CDK20: variants seen among roughly 807,000 people sequenced by gnomAD.
CDK20 encodes cyclin-dependent kinase 20.
Under a neutral mutation model 38.6 loss-of-function variants are expected in CDK20, and 40 were observed. That is an observed-to-expected ratio of 1.04 (90% CI 0.81 to 1.35). The LOEUF is 1.35. Among genes scored for constraint, CDK20 ranks in the 40% most tolerant of loss-of-function variants. The probability of loss-of-function intolerance (pLI) is 0.00; values close to 1 mark genes in which losing one functional copy is unlikely to be tolerated. For synonymous variants in CDK20, 209 were observed against 185.7 expected (o/e 1.13, Z -1.02); for missense variants, 512 against 452.6 (o/e 1.13, Z -1.19).
Position 87,967,334 on chromosome 9 carries a change from G to A in CDK20, c.*128C>T. ...GAGACCAACCCTCGCAAGGGCTAAG[G>A]GGCAGGGTGTGGTGTGGGCCCACTG... On this transcript the variant is annotated 3_prime_UTR_variant, in exon 8 of 8. Transcript: ENST00000325303. The A allele has an allele frequency of 2.2e-6, 2 of 914,806 alleles. No homozygotes were observed. The highest frequency in any genetic ancestry group is 3.5e-6 in the Non-Finnish European group (2 of 568,740). The allele number at this position is 914,806 out of a possible 1,614,324, so 56.7% of individuals were successfully genotyped here.
intron 1 of CDK20, 46 bp downstream of exon 1, chr9:87,974,326 G>T: frequency 6.3e-7 from 1 of 1,578,748 alleles, no homozygotes. Flanking sequence ...CCGGAGGGTG[G>T]CGGGGGCACA....
rs1247251504 is a variant in CDK20 at position 87,967,375 on chromosome 9, C to T, written c.*87G>A. 1.4e-6 allele frequency: 2 copies of T among 1,396,352 alleles called. No individual in the cohort carries two copies. The highest frequency in any genetic ancestry group is 3.9e-5 in the Admixed American group (2 of 50,822). The allele number at this position is 1,396,352 out of a possible 1,614,324, so 86.5% of individuals were successfully genotyped here. Reference sequence around the variant, plus strand: ...GGGCCCACTGTGGCCATGGGGAGGCCTTGGAGGGTGAAGCCAGGCAGGTGG... The same window carrying T: ...GGGCCCACTGTGGCCATGGGGAGGCTTTGGAGGGTGAAGCCAGGCAGGTGG... On this transcript the variant is annotated 3_prime_UTR_variant, in exon 8 of 8. Transcript: ENST00000325303.
At chr9:87,968,856 A>G (rs983593698) in intron 7 of CDK20, 7 of 305,976 alleles carry the variant, frequency 2.3e-5, no homozygotes, top group African/African-American at 1.0e-4. Context: ...GGAATAAAGG[A>G]ATGAGTCCCC....
chr9:87,970,943 G>A (rs953796824), intron 3 of CDK20, 46 bp from the exon 4 acceptor site: 23 of 1,609,558 alleles, frequency 1.4e-5, no homozygotes, highest in African/African-American at 2.7e-5. Flanking sequence ...TCCCCCATAG[G>A]ACCTTGGGAC....
intron 2 of CDK20, 133 bp downstream of exon 2, chr9:87,973,789 A>G: frequency 3.4e-6 from 3 of 876,496 alleles, no homozygotes; most frequent in Non-Finnish European, 5.3e-6. Flanking sequence ...CAGATGAATG[A>G]GCAGTGTGTG....
In CDK20 at chr9:87,971,334, A is replaced by G. The variant is rs973836002; in HGVS notation, c.191T>C (p.Val64Ala). The change falls in exon 3 of 8, where the codon GTG becomes GCG. Residue 64 changes from valine to alanine, a missense_variant and splice_region_variant. Transcript: ENST00000325303. ...ALQEMEDNQY[V>A]VQLKAVFPHG... is the part of the protein sequence containing the mutation. ...TGGGAACACAGCCTTCAGTTGTACC[A>G]CCTGTGGGCAGGACATCTTGTTAGC... The G allele has an allele frequency of 8.7e-6, 14 of 1,609,732 alleles. No individual in the cohort carries two copies. Among genetic ancestry groups the G allele is most frequent in the Admixed American group, 3.4e-5 (2 of 59,444 alleles).
In CDK20 at chr9:87,967,017, T is replaced by C. The variant is rs1027268667; in HGVS notation, c.*445A>G. 3 of 507,722 alleles carry C rather than the reference T, an allele frequency of 5.9e-6. No homozygotes were observed. Among genetic ancestry groups the C allele is most frequent in the Non-Finnish European group, 1.2e-5 (3 of 254,732 alleles). The allele number at this position is 507,722 out of a possible 1,614,324, so 31.5% of individuals were successfully genotyped here. A position where few individuals can be genotyped will look rare whatever the true frequency, so the allele number is the denominator to read the frequency against. On this transcript the variant is annotated 3_prime_UTR_variant, in exon 8 of 8. Coordinates refer to ENST00000325303, the MANE Select transcript of CDK20 (RefSeq NM_001039803.3). ...ATATCTCACATACTGAACTAGTGTTTAATGGCTCTGAGAATAAAACCAAAC... is the reference window on the plus strand; with the variant it reads ...ATATCTCACATACTGAACTAGTGTTCAATGGCTCTGAGAATAAAACCAAAC...
chr9:87,969,445 A>G (rs1445422667), intron 6 of CDK20, 96 bp from the exon 7 acceptor site: 19 of 1,330,824 alleles, frequency 1.4e-5, no homozygotes, highest in Middle Eastern at 1.9e-4. Flanking sequence ...ACACACTCAC[A>G]TGGGGGGTGC....
At chr9:87,968,895 G>C in intron 7 of CDK20, 1 of 416,852 alleles carries the variant, frequency 2.4e-6, no homozygotes, top group Non-Finnish European at 4.4e-6. Context: ...TCTGCCACAG[G>C]GTCAGGGGCA....
chr9:87,971,038 C>A, intron 3 of CDK20, 109 bp downstream of exon 3: 1 of 1,497,688 alleles, frequency 6.7e-7, no homozygotes. Context: ...ACCTGGAGGC[C>A]TTGACCAGCT....
rs766517987 is a variant in CDK20, at chr9:87,970,796, G to A, written c.480C>T (p.Tyr160=). The A allele has an allele frequency of 6.2e-7, 1 of 1,614,172 alleles. No homozygotes were observed. The highest frequency in any genetic ancestry group is 1.6e-4 in the Middle Eastern group (1 of 6,062). The part of the protein sequence containing the change: ...RVFSPDGSRL[Y]THQVATRWYR... ...CCTACCTGGTGGCCACCTGGTGTGT[G>A]TAGAGGCGGCTGCCGTCTGGGGAAA... is the stretch of plus-strand genomic sequence containing the variant. Residue 160 remains tyrosine (Y), a synonymous_variant, in exon 4 of 8, where the codon TAC becomes TAT. Coordinates refer to ENST00000325303, the MANE Select transcript of CDK20 (RefSeq NM_001039803.3).
chr9:87,968,087 G>A (rs546477000), intron 7 of CDK20: 3 of 161,582 alleles, frequency 1.9e-5, no homozygotes, highest in East Asian at 1.8e-4. Context: ...GGACAAAAGT[G>A]TACTGACCCC....
chr9:87,967,967 C>CCTGGAGAGAGGTTGCAGAT, intron 7 of CDK20: 1 of 238,916 alleles, frequency 4.2e-6, no homozygotes, highest in South Asian at 1.1e-4. Flanking sequence ...AATGAGGAAT[C>CCTGGAGAGAGGTTGCAGAT]CTGGAGAGAG....
In CDK20 at chr9:87,967,600, CG is replaced by C. The variant is rs1564153836; in HGVS notation, c.902del (p.Pro301ArgfsTer6). ...APLPAHPSEL[P>X]IPQRLGGPAP... is the part of the protein sequence containing the mutation. The stretch of plus-strand genomic sequence containing the variant: ...CAGGTCCCCCTAGACGCTGAGGAAT[CG>C]GCAGCTCAGATGGATGGGCAGGCAG... On this transcript the variant is annotated frameshift_variant, in exon 8 of 8. Coordinates refer to ENST00000325303, the MANE Select transcript of CDK20 (RefSeq NM_001039803.3). LOFTEE classifies it high-confidence loss of function. The C allele has an allele frequency of 6.6e-7, 1 of 1,524,450 alleles. No individual in the cohort carries two copies. The highest frequency in any genetic ancestry group is 1.3e-5 in the South Asian group (1 of 79,664). 94.4% of individuals were successfully genotyped at this position (1,524,450 alleles called of 1,614,324 possible). A position where few individuals can be genotyped will look rare whatever the true frequency, so the allele number is the denominator to read the frequency against.
In CDK20 at chr9:87,969,190, CT is replaced by C; in HGVS notation, c.843+3del. Reference sequence around the variant, plus strand: ...GGAGCAGAGACTACAGCCTCTCCCCCTACCTTGGAAGCTGCGATGCGCTGGT... The same window carrying C: ...GGAGCAGAGACTACAGCCTCTCCCCCACCTTGGAAGCTGCGATGCGCTGGT... On this transcript the variant is annotated splice_donor_region_variant and intron_variant, in intron 7 of 7. Transcript: ENST00000325303. 2 of 1,613,590 alleles carry C rather than the reference CT, an allele frequency of 1.2e-6. No individual in the cohort carries two copies. The highest frequency in any genetic ancestry group is 2.2e-5 in the East Asian group (1 of 44,870).
chr9:87,967,601 G>A lies in CDK20; in HGVS notation c.902C>T (p.Pro301Leu), dbSNP rs761237402. 9.8e-6 allele frequency: 15 copies of A among 1,524,142 alleles called. No individual in the cohort carries two copies. Among genetic ancestry groups the A allele is most frequent in the African/African-American group, 5.5e-5 (4 of 72,502 alleles). 94.4% of individuals were successfully genotyped at this position (1,524,142 alleles called of 1,614,324 possible). A position where few individuals can be genotyped will look rare whatever the true frequency, so the allele number is the denominator to read the frequency against. ...APLPAHPSEL[P>L]IPQRLGGPAP... Reference sequence around the variant, plus strand: ...AGGTCCCCCTAGACGCTGAGGAATCGGCAGCTCAGATGGATGGGCAGGCAG... The same window carrying A: ...AGGTCCCCCTAGACGCTGAGGAATCAGCAGCTCAGATGGATGGGCAGGCAG... Residue 301 changes from proline (P) to leucine (L), a missense_variant, in exon 8 of 8, where the codon CCG (proline) becomes CTG (leucine). Coordinates refer to ENST00000325303, the MANE Select transcript of CDK20 (RefSeq NM_001039803.3).
At chr9:87,972,200 G>A (rs945799301) in intron 2 of CDK20, among the ~76,000 whole-genome samples, 1 of 151,916 alleles carries the variant, frequency 6.6e-6, no homozygotes, top group South Asian at 2.1e-4. Flanking sequence ...GTGAGACCCT[G>A]TATCAAAAAA....
intron 2 of CDK20, among the ~76,000 whole-genome samples, chr9:87,972,171 C>T (rs1271854101): frequency 1.3e-5 from 2 of 152,128 alleles, no homozygotes; most frequent in Admixed American, 6.5e-5. Flanking sequence ...CACTTCTACA[C>T]TCCAGCCTGG....
Position 87,974,514 on chromosome 9 carries a change from A to C in CDK20, c.-68T>G, listed in dbSNP as rs1401920751. 500 of 1,299,386 alleles carry C rather than the reference A, an allele frequency of 3.8e-4. No homozygotes were observed. Among genetic ancestry groups the C allele is most frequent in the Non-Finnish European group, 4.8e-4 (448 of 941,486 alleles). The allele number at this position is 1,299,386 out of a possible 1,614,324, so 80.5% of individuals were successfully genotyped here. A position where few individuals can be genotyped will look rare whatever the true frequency, so the allele number is the denominator to read the frequency against. Reference sequence around the variant, plus strand: ...CCAAACTCCACTTCTCCTCCACCCCACGCTGATCTGAGCTCGCACGCTGTT... The same window carrying C: ...CCAAACTCCACTTCTCCTCCACCCCCCGCTGATCTGAGCTCGCACGCTGTT... On this transcript the variant is annotated 5_prime_UTR_variant, in exon 1 of 8. Transcript: ENST00000325303.
Sources: allele counts gnomAD v4.1 joint callset (sites outside exome capture counted in the v4.1 genomes callset), GRCh38; gene constraint gnomAD v4.1.1; transcripts MANE v1.5; gene names NCBI Gene and HGNC (gene_info 2026-07-23, HGNC 2026-07-21).